SNX7: variants seen among roughly 807,000 people sequenced by gnomAD.
SNX7 encodes sorting nexin 7, also known as sorting nexin-7.
In SNX7, 35 loss-of-function variants were observed where a neutral mutation model predicts 48.4. That is an observed-to-expected ratio of 0.72 (90% confidence interval 0.55 to 0.96). The LOEUF (loss-of-function observed/expected upper bound fraction) is 0.96, where lower values mean the gene tolerates loss of function less well. SNX7 is among the 40% of genes least tolerant of loss of function. The pLI is 0.00. For synonymous variants in SNX7, 190 were observed against 190.2 expected (o/e 1.00, Z 0.01); for missense variants, 553 against 548.9 (o/e 1.01, Z -0.07).
At position 98,661,867 on chromosome 1, in the gene SNX7, C is replaced by G. The variant is rs928878354; in HGVS notation, c.136C>G (p.Leu46Val). 20 of 1,246,752 alleles carry G rather than the reference C, an allele frequency of 1.6e-5. No individual in the cohort carries two copies. The South Asian group carries it at 7.0e-4, about 44-fold the overall frequency. The allele number at this position is 1,246,752 out of a possible 1,614,324, so 77.2% of individuals were successfully genotyped here. A position where few individuals can be genotyped will look rare whatever the true frequency, so the allele number is the denominator to read the frequency against. Residue 46 changes from leucine (L) to valine (V), a missense_variant, in exon 1 of 9, where the codon CTG becomes GTG. Coordinates refer to ENST00000306121, the MANE Select transcript of SNX7 (RefSeq NM_015976.5). Reference protein sequence around the residue: ...GSSALLQAEVLDLDEDEDDLE... With the variant: ...GSSALLQAEVVDLDEDEDDLE... ...TTCCGCCCTGCTGCAGGCGGAGGTG[C>G]TGGATCTGGACGAGGACGAGGACGA...
At chr1:98,736,140 T>C (rs1389300277) in intron 7 of SNX7, among the ~76,000 whole-genome samples, 1 of 152,186 alleles carries the variant, frequency 6.6e-6, no homozygotes, top group Non-Finnish European at 1.5e-5. Flanking sequence ...AAGAGGAAGA[T>C]AGACTATGTG....
chr1:98,712,542 A>G (rs1212022419), intron 7 of SNX7, among the ~76,000 whole-genome samples: 2 of 152,174 alleles, frequency 1.3e-5, no homozygotes, highest in Non-Finnish European at 2.9e-5. Context: ...GGCTTAAAAT[A>G]TTCAGTAAAC....
intron 8 of SNX7, among the ~76,000 whole-genome samples, chr1:98,753,925 A>G (rs1035901202): frequency 6.6e-6 from 1 of 152,076 alleles, no homozygotes; most frequent in Non-Finnish European, 1.5e-5. Flanking sequence ...TGGTTTATGA[A>G]ACTGAGTTTT....
At chr1:98,753,853 C>G (rs950363203) in intron 8 of SNX7, among the ~76,000 whole-genome samples, 2 of 152,020 alleles carry the variant, frequency 1.3e-5, no homozygotes, top group African/African-American at 2.4e-5. Context: ...TAAAGATATA[C>G]TTTGGCATTT....
chr1:98,664,551 CTTA>C (rs748317836), intron 1 of SNX7, among the ~76,000 whole-genome samples: 6 of 152,016 alleles, frequency 3.9e-5, no homozygotes, highest in South Asian at 4.1e-4. Flanking sequence ...AAAACAACTT[CTTA>C]TTATTTTTTT....
chr1:98,698,913 CA>C lies in SNX7; in HGVS notation c.1038+9del, dbSNP rs1225496189. ...TATAGTGAAATGTTAATGGTAAGAA[CA>C]CCTAATTCTAATTTTACCTCAGTCC... On this transcript the variant is annotated intron_variant, in intron 6 of 8. Coordinates refer to ENST00000306121, the MANE Select transcript of SNX7 (RefSeq NM_015976.5). 1.2e-6 allele frequency: 2 copies of C among 1,612,112 alleles called. No individual in the cohort carries two copies. Among genetic ancestry groups the C allele is most frequent in the African/African-American group, 2.7e-5 (2 of 74,828 alleles).
chr1:98,703,083 T>C (rs1270129694), intron 7 of SNX7, among the ~76,000 whole-genome samples: 4 of 152,090 alleles, frequency 2.6e-5, no homozygotes, highest in Non-Finnish European at 4.4e-5. Context: ...CTCTCCATAA[T>C]TGAAACTCCT....
rs72726149 is a variant in SNX7, at chr1:98,739,105, T to A, written c.1278+716T>A. Among the ~76,000 whole-genome samples the A allele has an allele frequency of 6.8e-4, 104 of 152,272 alleles. 3 individuals are homozygous for A. The East Asian group carries it at 0.017, about 25-fold the overall frequency. On this transcript the variant is annotated intron_variant, in intron 8 of 8. Transcript: ENST00000306121. ...GGGGTTAGTTTCAGGATGAAACTGCTCTACCTCAGATCATCAGCCATTAGT... is the reference window on the plus strand; with the variant it reads ...GGGGTTAGTTTCAGGATGAAACTGCACTACCTCAGATCATCAGCCATTAGT...
At chr1:98,709,000 C>A (rs1183792752) in intron 7 of SNX7, among the ~76,000 whole-genome samples, 1 of 152,142 alleles carries the variant, frequency 6.6e-6, no homozygotes, top group Non-Finnish European at 1.5e-5. Flanking sequence ...ATCCCAGTTG[C>A]AGAGTTGTGT....
intron 8 of SNX7, among the ~76,000 whole-genome samples, chr1:98,754,645 C>T (rs1002959490): frequency 3.3e-5 from 5 of 151,976 alleles, no homozygotes; most frequent in African/African-American, 1.2e-4. Context: ...TTAGTGGAAT[C>T]CGAACTAACA....
intron 6 of SNX7, among the ~76,000 whole-genome samples, chr1:98,701,158 A>C (rs145297072): frequency 6.6e-6 from 1 of 152,168 alleles, no homozygotes; most frequent in African/African-American, 2.4e-5. Flanking sequence ...TCTGCACTCA[A>C]ATTTCTTCAC....
At chr1:98,721,127 CAA>C (rs1652850914) in intron 7 of SNX7, among the ~76,000 whole-genome samples, 1 of 152,026 alleles carries the variant, frequency 6.6e-6, no homozygotes, top group Admixed American at 6.6e-5. Flanking sequence ...CTCCAAAACC[CAA>C]AATGCTCCAA....
intron 7 of SNX7, among the ~76,000 whole-genome samples, chr1:98,729,079 A>G (rs1030483799): frequency 2.0e-5 from 3 of 152,192 alleles, no homozygotes; most frequent in Non-Finnish European, 4.4e-5. Context: ...AAAGAACTGA[A>G]ATCATAACAG....
chr1:98,693,327 A>G lies in SNX7; in HGVS notation c.639+1628A>G, dbSNP rs141370514. ...TTTTCTTTTATTCTATAAAGCTATA[A>G]CTCTGCAAGAAAGATACCAGACAGG... On this transcript the variant is annotated intron_variant, in intron 4 of 8. Coordinates refer to ENST00000306121, the MANE Select transcript of SNX7 (RefSeq NM_015976.5). Among the ~76,000 whole-genome samples, 5 of 152,282 alleles carry G rather than the reference A, an allele frequency of 3.3e-5. No homozygotes were observed. The East Asian group carries it at 9.6e-4, about 29-fold the overall frequency.
intron 1 of SNX7, among the ~76,000 whole-genome samples, chr1:98,675,374 T>G (rs1650105547): frequency 6.6e-6 from 1 of 152,158 alleles, no homozygotes; most frequent in Non-Finnish European, 1.5e-5. Context: ...TCATAGTAAT[T>G]TAAATCCTTC....
At position 98,661,786 on chromosome 1, in the gene SNX7, G is replaced by T. The variant is rs374538327; in HGVS notation, c.55G>T (p.Gly19Cys). The part of the protein sequence containing the change: ...QAPSSGLPAG[G>C]ANGESPGGGA... ...GCCCTCCTCGGGCCTCCCGGCCGGG[G>T]GCGCCAACGGGGAGAGCCCGGGGGG... Residue 19 changes from glycine (G) to cysteine (C), a missense_variant, in exon 1 of 9, where the codon GGC becomes TGC. Physicochemically the swap from Gly to Cys is radical, Grantham distance 159. Transcript: ENST00000306121. The T allele has an allele frequency of 6.2e-5, 77 of 1,243,716 alleles. 2 individuals carry two copies. The Admixed American group carries it at 7.2e-4, about 12-fold the overall frequency. 77.0% of individuals were successfully genotyped at this position (1,243,716 alleles called of 1,614,324 possible). A position where few individuals can be genotyped will look rare whatever the true frequency, so the allele number is the denominator to read the frequency against.
At chr1:98,745,233 A>T (rs531873977) in intron 8 of SNX7, among the ~76,000 whole-genome samples, 3 of 151,278 alleles carry the variant, frequency 2.0e-5, no homozygotes, top group South Asian at 2.1e-4. Flanking sequence ...GTATTGAATC[A>T]TTTTTTTTTA....
At chr1:98,680,376 A>G (rs1458655890) in intron 1 of SNX7, among the ~76,000 whole-genome samples, 1 of 152,184 alleles carries the variant, frequency 6.6e-6, no homozygotes. Context: ...AGGGGCTGCC[A>G]TGAAGACCTC....
At chr1:98,714,154 T>C (rs922021126) in intron 7 of SNX7, among the ~76,000 whole-genome samples, 4 of 152,200 alleles carry the variant, frequency 2.6e-5, no homozygotes, top group African/African-American at 9.6e-5. Context: ...GTAGTCAATT[T>C]AGAGGGGTGT....
Sources: gnomAD v4.1 joint callset for allele counts (sites outside exome capture counted in the v4.1 genomes callset) on GRCh38, gnomAD v4.1.1 for gene constraint, MANE v1.5 for transcripts, NCBI Gene and HGNC (gene_info 2026-07-23, HGNC 2026-07-21) for gene names.